Variants in ZDHHC12 observed in about 807,000 individuals in gnomAD.
ZDHHC12 encodes the protein palmitoyltransferase ZDHHC12.
ZDHHC12 carries 26 observed loss-of-function variants against 33.2 expected under a neutral mutation model. The observed-to-expected ratio is 0.78, with a 90% CI of 0.57 to 1.09. The LOEUF is 1.09. Among genes scored for constraint, ZDHHC12 ranks in the 50% least tolerant of loss-of-function variants. The pLI, the probability that ZDHHC12 is intolerant of heterozygous loss-of-function variation, is 0.00. For missense variants in ZDHHC12, 350 were observed against 353.0 expected (o/e 0.99, Z 0.07); for synonymous variants, 154 against 152.1 (o/e 1.01, Z -0.09).
Position 128,722,623 on chromosome 9 carries a change from T to A in ZDHHC12, c.101-49A>T, listed in dbSNP as rs756604482. On this transcript the variant is annotated intron_variant, in intron 1 of 4. Coordinates refer to ENST00000372663, the MANE Select transcript of ZDHHC12 (RefSeq NM_032799.5). The surrounding 1 kb of genome is among the most constrained non-coding windows in gnomAD (Gnocchi z 4.2). Reference sequence around the variant, plus strand: ...GAGGCTGGGCCGGGTAGAACAGGAGTGGGTGGGGTTGGGGTGCAGTTGGAG... The same window carrying A: ...GAGGCTGGGCCGGGTAGAACAGGAGAGGGTGGGGTTGGGGTGCAGTTGGAG... 2.8e-5 allele frequency: 44 copies of A among 1,562,526 alleles called. No individual in the cohort carries two copies. In the African/African-American group the frequency reaches 5.1e-4, roughly 18 times the overall value.
At position 128,721,924 on chromosome 9, in the gene ZDHHC12, C is replaced by A; in HGVS notation, c.315+85G>T. The stretch of plus-strand genomic sequence containing the variant: ...CTGGAAGGCCTTCTTGGAGGAGGGG[C>A]GAGGCCCAGGCAGTGGGGCAGGAGG... On this transcript the variant is annotated intron_variant, in intron 3 of 4. Transcript: ENST00000372663. This position sits in a 1 kb window ranked among gnomAD's most constrained non-coding sequence, Gnocchi z 6.9. 1 of 1,604,876 alleles carries A rather than the reference C, an allele frequency of 6.2e-7. No homozygotes were observed.
Position 128,723,642 on chromosome 9 carries a change from T to G in ZDHHC12, c.100+352A>C. On this transcript the variant is annotated intron_variant, in intron 1 of 4. Transcript: ENST00000372663. The surrounding 1 kb of genome is among the most constrained non-coding windows in gnomAD (Gnocchi z 4.4). ...CATCTAGTTGAGCCTCCTAATCGTATGGATAGGAAGATTTGGGGTCAGTTC... is the reference window on the plus strand; with the variant it reads ...CATCTAGTTGAGCCTCCTAATCGTAGGGATAGGAAGATTTGGGGTCAGTTC... The G allele has an allele frequency of 7.1e-6, 3 of 421,368 alleles. No homozygotes were observed. The highest frequency in any genetic ancestry group is 3.7e-5 in the East Asian group (1 of 27,294). 26.1% of individuals were successfully genotyped at this position (421,368 alleles called of 1,614,324 possible).
rs770524991 is a variant in ZDHHC12 at position 128,721,314 on chromosome 9, C to T, written c.671G>A (p.Arg224His). 41 of 1,592,992 alleles carry T rather than the reference C, an allele frequency of 2.6e-5. 1 individual carries two copies. The South Asian group carries it at 2.7e-4, about 11-fold the overall frequency. Residue 224 changes from arginine (R) to histidine (H), a missense_variant, in exon 5 of 5, where the codon CGC becomes CAC. By Grantham distance (29) the Arg-to-His change is conservative. Coordinates refer to ENST00000372663, the MANE Select transcript of ZDHHC12 (RefSeq NM_032799.5). The surrounding 1 kb of genome is among the most constrained non-coding windows in gnomAD (Gnocchi z 6.9). The stretch of plus-strand genomic sequence containing the variant: ...GTCGAAGGGGTTGCTGGGGCGCTGG[C>T]GGAGATAGGCGATGCGGTGTGAGGA... ...FISSHRIAYL[R>H]QRPSNPFDRG...
In ZDHHC12 at chr9:128,722,080, G is replaced by A; in HGVS notation, c.244C>T (p.Leu82Phe). ...VNVQPQPQEE[L>F]KEEQTAMVPP... Reference sequence around the variant, plus strand: ...ACCATGGCTGTCTGCTCCTCTTTGAGCTCCTCCTGGAATGAGGGGTGGGGT... The same window carrying A: ...ACCATGGCTGTCTGCTCCTCTTTGAACTCCTCCTGGAATGAGGGGTGGGGT... The change falls in exon 3 of 5, where the codon CTC becomes TTC. Residue 82 changes from leucine (L) to phenylalanine (F), a missense_variant. Transcript: ENST00000372663. The surrounding 1 kb of genome is among the most constrained non-coding windows in gnomAD (Gnocchi z 4.2). 6.2e-7 allele frequency: 1 copy of A among 1,614,046 alleles called. No individual in the cohort carries two copies. Among genetic ancestry groups the A allele is most frequent in the Non-Finnish European group, 8.5e-7 (1 of 1,179,980 alleles).
chr9:128,724,107 G>T lies in ZDHHC12; in HGVS notation c.-14C>A. ...CCAGGGCGCCATCGCCTCGGCCCGG[G>T]GCCCCACCCGGAAGAAGCGCCCAGA... On this transcript the variant is annotated 5_prime_UTR_variant, in exon 1 of 5. Transcript: ENST00000372663. The T allele has an allele frequency of 6.5e-7, 1 of 1,531,384 alleles. No individual in the cohort carries two copies. The highest frequency in any genetic ancestry group is 8.8e-7 in the Non-Finnish European group (1 of 1,135,072). The allele number at this position is 1,531,384 out of a possible 1,614,324, so 94.9% of individuals were successfully genotyped here.
chr9:128,721,790 C>T lies in ZDHHC12; in HGVS notation c.343G>A (p.Glu115Lys). The T allele has an allele frequency of 1.2e-6, 2 of 1,613,266 alleles. No homozygotes were observed. Among genetic ancestry groups the T allele is most frequent in the Non-Finnish European group, 1.7e-6 (2 of 1,179,848 alleles). Residue 115 changes from glutamate (E) to lysine (K), a missense_variant, in exon 4 of 5, where the codon GAG becomes AAG. Physicochemically the swap from Glu to Lys is moderately conservative, Grantham distance 56. Coordinates refer to ENST00000372663, the MANE Select transcript of ZDHHC12 (RefSeq NM_032799.5). The surrounding 1 kb of genome is among the most constrained non-coding windows in gnomAD (Gnocchi z 6.9). Reference sequence around the variant, plus strand: ...TAGCGGCGGACGCAACGGCGGCACTCACGGCAGTGCCGAGCCCTCAGGGGC... The same window carrying T: ...TAGCGGCGGACGCAACGGCGGCACTTACGGCAGTGCCGAGCCCTCAGGGGC... ...LQPLRARHCR[E>K]CRRCVRRYDH...
In ZDHHC12 at chr9:128,722,508, C is replaced by T; in HGVS notation, c.167G>A (p.Gly56Asp). Residue 56 changes from glycine (G) to aspartate (D), a missense_variant, in exon 2 of 5, where the codon GGC becomes GAC. Coordinates refer to ENST00000372663, the MANE Select transcript of ZDHHC12 (RefSeq NM_032799.5). The surrounding 1 kb of genome is among the most constrained non-coding windows in gnomAD (Gnocchi z 4.2). ...LPLTFLLLVL[G>D]SLLLYLAVSL... ...CACAGCGAGGTAGAGCAGCAGGGAG[C>T]CCAGCACCAGGAGCAGGAAGGTGAG... 2 of 1,581,848 alleles carry T rather than the reference C, an allele frequency of 1.3e-6. No homozygotes were observed. The highest frequency in any genetic ancestry group is 1.2e-5 in the South Asian group (1 of 86,492).
In ZDHHC12 at chr9:128,721,658, G is replaced by A. The variant is rs1489578123; in HGVS notation, c.475C>T (p.Leu159=). 1 of 1,613,672 alleles carries A rather than the reference G, an allele frequency of 6.2e-7. No individual in the cohort carries two copies. The highest frequency in any genetic ancestry group is 1.7e-5 in the Admixed American group (1 of 60,004). Residue 159 remains leucine, a synonymous_variant, in exon 4 of 5, where the codon CTG becomes TTG. Transcript: ENST00000372663. The surrounding 1 kb of genome is among the most constrained non-coding windows in gnomAD (Gnocchi z 6.9). ...QLVVLLWGLY[L]AWSGLRFFQP... Reference sequence around the variant, plus strand: ...CCGGGCAGCAGCACCCACCATGCCAGGTACAGGCCCCACAGAAGCACCACC... The same window carrying A: ...CCGGGCAGCAGCACCCACCATGCCAAGTACAGGCCCCACAGAAGCACCACC...
chr9:128,721,923 G>A lies in ZDHHC12; in HGVS notation c.315+86C>T, dbSNP rs1862572195. 26 of 1,605,496 alleles carry A rather than the reference G, an allele frequency of 1.6e-5. 1 individual carries two copies. In the South Asian group the frequency reaches 2.9e-4, roughly 18 times the overall value. On this transcript the variant is annotated intron_variant, in intron 3 of 4. Coordinates refer to ENST00000372663, the MANE Select transcript of ZDHHC12 (RefSeq NM_032799.5). This position sits in a 1 kb window ranked among gnomAD's most constrained non-coding sequence, Gnocchi z 6.9. Reference sequence around the variant, plus strand: ...TCTGGAAGGCCTTCTTGGAGGAGGGGCGAGGCCCAGGCAGTGGGGCAGGAG... The same window carrying A: ...TCTGGAAGGCCTTCTTGGAGGAGGGACGAGGCCCAGGCAGTGGGGCAGGAG...
chr9:128,721,299 T>C lies in ZDHHC12; in HGVS notation c.686A>G (p.Asn229Ser). 1.9e-6 allele frequency: 3 copies of C among 1,595,478 alleles called. No individual in the cohort carries two copies. Among genetic ancestry groups the C allele is most frequent in the Non-Finnish European group, 2.6e-6 (3 of 1,171,116 alleles). ...RIAYLRQRPSNPFDRGLTRNL... is the reference protein window; with the variant it reads ...RIAYLRQRPSSPFDRGLTRNL... Reference sequence around the variant, plus strand: ...GCGGGTCAGGCCTCGGTCGAAGGGGTTGCTGGGGCGCTGGCGGAGATAGGC... The same window carrying C: ...GCGGGTCAGGCCTCGGTCGAAGGGGCTGCTGGGGCGCTGGCGGAGATAGGC... The change falls in exon 5 of 5, where the codon AAC (asparagine) becomes AGC (serine). Residue 229 changes from asparagine (N) to serine (S), a missense_variant. Physicochemically the swap from Asn to Ser is conservative, Grantham distance 46. Coordinates refer to ENST00000372663, the MANE Select transcript of ZDHHC12 (RefSeq NM_032799.5). The surrounding 1 kb of genome is among the most constrained non-coding windows in gnomAD (Gnocchi z 6.9).
Position 128,722,379 on chromosome 9 carries a change from C to T in ZDHHC12, c.237+59G>A. ...CAAGAGCCTGCAGCACAGAGCCTGG[C>T]ATGGAGACTGGTGCTGGTTGTTAGG... On this transcript the variant is annotated intron_variant, in intron 2 of 4. Transcript: ENST00000372663. The surrounding 1 kb of genome is among the most constrained non-coding windows in gnomAD (Gnocchi z 4.2). 6.9e-7 allele frequency: 1 copy of T among 1,456,582 alleles called. No individual in the cohort carries two copies. Among genetic ancestry groups the T allele is most frequent in the Non-Finnish European group, 9.1e-7 (1 of 1,101,436 alleles). The allele number at this position is 1,456,582 out of a possible 1,614,324, so 90.2% of individuals were successfully genotyped here. A position where few individuals can be genotyped will look rare whatever the true frequency, so the allele number is the denominator to read the frequency against.
In ZDHHC12 at chr9:128,721,154, A is replaced by G. The variant is rs1362261452; in HGVS notation, c.*27T>C. 3.9e-6 allele frequency: 6 copies of G among 1,519,084 alleles called. No homozygotes were observed. Among genetic ancestry groups the G allele is most frequent in the Non-Finnish European group, 4.4e-6 (5 of 1,138,318 alleles). 94.1% of individuals were successfully genotyped at this position (1,519,084 alleles called of 1,614,324 possible). A position where few individuals can be genotyped will look rare whatever the true frequency, so the allele number is the denominator to read the frequency against. ...GACAGGCCCCGTGGTTTTCAGGCAC[A>G]AGACGGTAGCCCGGCCTCCAGCAAC... On this transcript the variant is annotated 3_prime_UTR_variant, in exon 5 of 5. Transcript: ENST00000372663. This position sits in a 1 kb window ranked among gnomAD's most constrained non-coding sequence, Gnocchi z 6.9.
rs1235991796 is a variant in ZDHHC12, at chr9:128,722,580, G to A, written c.101-6C>T. The A allele has an allele frequency of 6.3e-7, 1 of 1,591,730 alleles. No individual in the cohort carries two copies. Among genetic ancestry groups the A allele is most frequent in the Admixed American group, 1.8e-5 (1 of 56,702 alleles). On this transcript the variant is annotated splice_region_variant and splice_polypyrimidine_tract_variant and intron_variant, in intron 1 of 4. Coordinates refer to ENST00000372663, the MANE Select transcript of ZDHHC12 (RefSeq NM_032799.5). The surrounding 1 kb of genome is among the most constrained non-coding windows in gnomAD (Gnocchi z 4.2). ...CTCCTCCCATTGCCGCAGCTCTGGA[G>A]AGGCCGGAGAGCACAGTGAGGCTGG... is the stretch of plus-strand genomic sequence containing the variant.
rs1430138555 is a variant in ZDHHC12 at position 128,722,063 on chromosome 9, T to A, written c.261A>T (p.Thr87=). ...GAGGGATGGCTGGAGGAACCATGGC[T>A]GTCTGCTCCTCTTTGAGCTCCTCCT... The part of the protein sequence containing the change: ...QPQEELKEEQ[T]AMVPPAIPLR... Residue 87 remains threonine, a synonymous_variant, in exon 3 of 5, where the codon ACA becomes ACT. Coordinates refer to ENST00000372663, the MANE Select transcript of ZDHHC12 (RefSeq NM_032799.5). The surrounding 1 kb of genome is among the most constrained non-coding windows in gnomAD (Gnocchi z 4.2). 6.2e-7 allele frequency: 1 copy of A among 1,614,022 alleles called. No individual in the cohort carries two copies. The highest frequency in any genetic ancestry group is 2.2e-5 in the East Asian group (1 of 44,870).
chr9:128,724,063 CCCCAGGGCTGAGGAGCG>C lies in ZDHHC12; in HGVS notation c.14_30del (p.Ala5GlyfsTer105), dbSNP rs771777921. ...ACGGTGTGCCCGGTCCGCACCAGGACCCCAGGGCTGAGGAGCGCCCAGGGCGCCATCGCCTCGGCCCG... is the reference window on the plus strand; with the variant it reads ...ACGGTGTGCCCGGTCCGCACCAGGACCCCAGGGCGCCATCGCCTCGGCCCG... On this transcript the variant is annotated frameshift_variant, in exon 1 of 5. Coordinates refer to ENST00000372663, the MANE Select transcript of ZDHHC12 (RefSeq NM_032799.5). LOFTEE classifies it high-confidence loss of function. 6.9e-6 allele frequency: 11 copies of C among 1,605,442 alleles called. No homozygotes were observed. Among genetic ancestry groups the C allele is most frequent in the Non-Finnish European group, 8.5e-6 (10 of 1,174,616 alleles).
In ZDHHC12 at chr9:128,721,439, G is replaced by T; in HGVS notation, c.546C>A (p.Ala182=). ...QWLRSSGLLF[A]TFLLLSLFSL... ...AGAAGAGGGACAGCAGCAGGAAGGTGGCGAACAGGAGCCCGCTGGACCGCA... is the reference window on the plus strand; with the variant it reads ...AGAAGAGGGACAGCAGCAGGAAGGTTGCGAACAGGAGCCCGCTGGACCGCA... Residue 182 remains alanine (A), a synonymous_variant, in exon 5 of 5, where the codon GCC becomes GCA. Transcript: ENST00000372663. This position sits in a 1 kb window ranked among gnomAD's most constrained non-coding sequence, Gnocchi z 6.9. The T allele has an allele frequency of 6.3e-7, 1 of 1,586,178 alleles. No individual in the cohort carries two copies. Among genetic ancestry groups the T allele is most frequent in the Non-Finnish European group, 8.6e-7 (1 of 1,166,848 alleles).
In ZDHHC12 at chr9:128,721,620, C is replaced by T. The variant is rs778219886; in HGVS notation, c.482+31G>A. On this transcript the variant is annotated intron_variant, in intron 4 of 4. Coordinates refer to ENST00000372663, the MANE Select transcript of ZDHHC12 (RefSeq NM_032799.5). The surrounding 1 kb of genome is among the most constrained non-coding windows in gnomAD (Gnocchi z 6.9). The stretch of plus-strand genomic sequence containing the variant: ...ACCCCTGTGGGAGCATTCATCCCAC[C>T]CTCCCTCTACACCCGGGCAGCAGCA... The T allele has an allele frequency of 1.9e-6, 3 of 1,606,722 alleles. No homozygotes were observed. Among genetic ancestry groups the T allele is most frequent in the Admixed American group, 3.4e-5 (2 of 59,668 alleles).
chr9:128,721,212 T>G lies in ZDHHC12; in HGVS notation c.773A>C (p.Glu258Ala). ...SGSWETLWAE[E>A]EEEGSSPAV ...AGCTGGGCTGCTGCCCTCTTCCTCC[T>G]CCTCAGCCCAGAGGGTCTCCCAGGA... The change falls in exon 5 of 5, where the codon GAG (glutamate) becomes GCG (alanine). Residue 258 changes from glutamate to alanine, a missense_variant. Physicochemically the swap from Glu to Ala is moderately radical, Grantham distance 107 (BLOSUM62 -1). Transcript: ENST00000372663. This position sits in a 1 kb window ranked among gnomAD's most constrained non-coding sequence, Gnocchi z 6.9. The G allele has an allele frequency of 1.3e-6, 2 of 1,598,568 alleles. No individual in the cohort carries two copies. The highest frequency in any genetic ancestry group is 2.7e-5 in the African/African-American group (2 of 74,808).
rs1409353721 is a variant in ZDHHC12 at position 128,724,032 on chromosome 9, G to T, written c.62C>A (p.Thr21Asn). The change falls in exon 1 of 5, where the codon ACC (threonine) becomes AAC (asparagine). Residue 21 changes from threonine (T) to asparagine (N), a missense_variant. Transcript: ENST00000372663. ...GAAGAGCACCAGCGTGATTCCCCAG[G>T]TCAGCACGGTGTGCCCGGTCCGCAC... ...VLVRTGHTVL[T>N]WGITLVLFLH... 1 of 1,612,826 alleles carries T rather than the reference G, an allele frequency of 6.2e-7. No individual in the cohort carries two copies.
Sources: allele counts gnomAD v4.1 joint callset, GRCh38; gene constraint gnomAD v4.1.1; non-coding constraint Gnocchi (gnomAD v3.1); transcripts MANE v1.5; gene names NCBI Gene and HGNC (gene_info 2026-07-23, HGNC 2026-07-21).